Variants in CDH3 observed in about 807,000 individuals in gnomAD.
CDH3 encodes cadherin-3.
In CDH3, 54 loss-of-function variants were observed where a neutral mutation model predicts 82.0. That is an observed-to-expected ratio of 0.66 (90% CI 0.53 to 0.83). The LOEUF (loss-of-function observed/expected upper bound fraction) is 0.83. Among genes scored for constraint, CDH3 ranks in the 40% least tolerant of loss-of-function variants. The pLI is 0.00. For missense variants in CDH3, 1,054 were observed against 1,084.6 expected, an observed-to-expected ratio of 0.97 and a Z score of 0.40; for synonymous variants, 446 against 437.9, an observed-to-expected ratio of 1.02 and a Z score of -0.23.
intron 2 of CDH3, among the ~76,000 whole-genome samples, chr16:68,657,947 C>T (rs1044823359): frequency 2.6e-5 from 4 of 152,048 alleles, no homozygotes; most frequent in Admixed American, 1.3e-4. Context: ...TTTAGGAAGT[C>T]GTTGATCCCC....
downstream of CDH3, among the ~76,000 whole-genome samples, chr16:68,728,384 C>G (rs1326268760): frequency 6.6e-6 from 1 of 152,020 alleles, no homozygotes; most frequent in Non-Finnish European, 1.5e-5. Flanking sequence ...CCAGGATGGT[C>G]TCGATCTCCT....
intron 2 of CDH3, among the ~76,000 whole-genome samples, chr16:68,672,233 AAAT>A (rs1240643608): frequency 9.6e-5 from 14 of 146,004 alleles, no homozygotes; most frequent in Admixed American, 8.9e-4. Context: ...AAAAAAAAGA[AAAT>A]AAGTTTCTGA....
chr16:68,698,777 T>A lies in CDH3; in HGVS notation c.*377T>A. On this transcript the variant is annotated 3_prime_UTR_variant, in exon 16 of 16. Transcript: ENST00000264012. ...TCTTAGGCCTCCTGGTGCAACTTAA[T>A]TTTTTTTTTTAATGCTATCTTCAAA... 1.1e-5 allele frequency: 2 copies of A among 175,532 alleles called. No individual in the cohort carries two copies. Among genetic ancestry groups the A allele is most frequent in the Non-Finnish European group, 2.4e-5 (2 of 84,194 alleles). 10.9% of individuals were successfully genotyped at this position (175,532 alleles called of 1,614,324 possible). A position where few individuals can be genotyped will look rare whatever the true frequency, so the allele number is the denominator to read the frequency against.
chr16:68,668,129 C>T lies in CDH3; in HGVS notation c.161-8256C>T, dbSNP rs146036475. Among the ~76,000 whole-genome samples the T allele has an allele frequency of 5.3e-4, 81 of 152,280 alleles. 1 individual carries two copies. Among genetic ancestry groups the T allele is most frequent in the Middle Eastern group, 3.4e-3 (1 of 292 alleles). On this transcript the variant is annotated intron_variant, in intron 2 of 15. Coordinates refer to ENST00000264012, the MANE Select transcript of CDH3 (RefSeq NM_001793.6). ...CTTGTGGGAGAAACTGAGGCTAATG[C>T]GGTCAAATGACTGTCTGAAGCCCTG...
chr16:68,664,966 T>TATGCAAGCA (rs1231453911), intron 2 of CDH3, among the ~76,000 whole-genome samples: 5 of 152,172 alleles, frequency 3.3e-5, no homozygotes, highest in African/African-American at 1.2e-4. Context: ...CATTTGGGAT[T>TATGCAAGCA]TAATTTCCTA....
chr16:68,658,281 C>G (rs570919670), intron 2 of CDH3, among the ~76,000 whole-genome samples: 28 of 152,178 alleles, frequency 1.8e-4, no homozygotes, highest in Non-Finnish European at 2.9e-4. Context: ...TTCAGACTCT[C>G]GTTAAACCCA....
At chr16:68,723,552 G>T (rs1482125098) in intron 2 of CDH3, among the ~76,000 whole-genome samples, 1 of 152,174 alleles carries the variant, frequency 6.6e-6, no homozygotes, top group Non-Finnish European at 1.5e-5. Flanking sequence ...GATAAATTGA[G>T]AGTTAGAGAA....
At position 68,657,236 on chromosome 16, in the gene CDH3, C is replaced by T. The variant is rs145358013; in HGVS notation, c.160+11486C>T. Among the ~76,000 whole-genome samples, 535 of 152,164 alleles carry T rather than the reference C, an allele frequency of 3.5e-3. 2 individuals carry two copies. Among genetic ancestry groups the T allele is most frequent in the African/African-American group, 0.012 (496 of 41,520 alleles). On this transcript the variant is annotated intron_variant, in intron 2 of 15. Coordinates refer to ENST00000264012, the MANE Select transcript of CDH3 (RefSeq NM_001793.6). ...CTGGGGAAAGAAAGCCAAACGGGCT[C>T]GGTGTGATGGCTGGCACCTGTAATC... is the stretch of plus-strand genomic sequence containing the variant.
At chr16:68,725,035 C>T (rs1962204593) in intron 2 of CDH3, among the ~76,000 whole-genome samples, 1 of 152,102 alleles carries the variant, frequency 6.6e-6, no homozygotes, top group African/African-American at 2.4e-5. Context: ...AAGCGGGGGA[C>T]AGGAAGCAAC....
downstream of CDH3, among the ~76,000 whole-genome samples, chr16:68,729,664 C>G (rs1962262358): frequency 6.6e-6 from 1 of 152,094 alleles, no homozygotes; most frequent in South Asian, 2.1e-4. Flanking sequence ...GACAGAGTCT[C>G]CTCTCTTGCC....
At chr16:68,730,743 G>A (rs986115495), downstream of CDH3, among the ~76,000 whole-genome samples, 7 of 151,644 alleles carry the variant, frequency 4.6e-5, no homozygotes, top group South Asian at 4.2e-4. Context: ...TATTTGGGCC[G>A]GGTGTGGTGG....
chr16:68,706,770 T>A (rs1961969994), intron 1 of CDH3, among the ~76,000 whole-genome samples: 1 of 151,974 alleles, frequency 6.6e-6, no homozygotes, highest in Non-Finnish European at 1.5e-5. Flanking sequence ...GTCAGGCTGG[T>A]CTCGAACTCT....
chr16:68,646,545 G>A (rs574603610), intron 2 of CDH3, among the ~76,000 whole-genome samples: 4 of 152,098 alleles, frequency 2.6e-5, no homozygotes, highest in Non-Finnish European at 4.4e-5. Flanking sequence ...TGAGGGGGTG[G>A]GCGGTGCAAC....
chr16:68,653,535 C>A (rs1249451436), intron 2 of CDH3, among the ~76,000 whole-genome samples: 1 of 152,118 alleles, frequency 6.6e-6, no homozygotes, highest in East Asian at 1.9e-4. Flanking sequence ...TCGCGCCCGG[C>A]CGGCAGCAAG....
At chr16:68,685,604 G>A (rs943910028) in intron 11 of CDH3, among the ~76,000 whole-genome samples, 13 of 150,690 alleles carry the variant, frequency 8.6e-5, no homozygotes, top group Admixed American at 6.6e-5. Flanking sequence ...TCGGGGGTTC[G>A]AGACCAGCCT....
chr16:68,693,249 G>T (rs1207463817), intron 13 of CDH3, among the ~76,000 whole-genome samples: 1 of 152,194 alleles, frequency 6.6e-6, no homozygotes, highest in African/African-American at 2.4e-5. Flanking sequence ...GAGGGGTGAT[G>T]TGATTTGACT....
intron 12 of CDH3, among the ~76,000 whole-genome samples, chr16:68,690,803 A>C (rs1340492736): frequency 6.6e-6 from 1 of 151,238 alleles, no homozygotes; most frequent in Non-Finnish European, 1.5e-5. Flanking sequence ...GCTACTCAGG[A>C]GGCTGAGGCA....
At chr16:68,645,877 G>C in intron 2 of CDH3, 127 bp downstream of exon 2, 1 of 701,060 alleles carries the variant, frequency 1.4e-6, no homozygotes, top group Non-Finnish European at 2.4e-6. Context: ...GGGAGGCGCA[G>C]AACGCGCCTC....
chr16:68,692,332 C>T (rs1000151483), intron 13 of CDH3, among the ~76,000 whole-genome samples: 3 of 152,172 alleles, frequency 2.0e-5, no homozygotes, highest in Non-Finnish European at 4.4e-5. Context: ...CCACTGCGCC[C>T]GGTCCACTCC....
Sources: gnomAD v4.1 joint callset for allele counts (sites outside exome capture counted in the v4.1 genomes callset) on GRCh38, gnomAD v4.1.1 for gene constraint, MANE v1.5 for transcripts, NCBI Gene and HGNC (gene_info 2026-07-23, HGNC 2026-07-21) for gene names.